The following LINGO2 variants were observed in gnomAD, a reference collection of about 807,000 sequenced individuals.
LINGO2 encodes leucine-rich repeat and immunoglobulin-like domain-containing nogo receptor-interacting protein 2.
Under a neutral mutation model 30.6 loss-of-function variants are expected in LINGO2, and 14 were observed. The observed-to-expected ratio is 0.46, with a 90% CI of 0.30 to 0.72. LINGO2 has a LOEUF of 0.72. Ranked by LOEUF, LINGO2 falls within the 30% of genes least tolerant of loss-of-function variation. The pLI, the probability that LINGO2 is intolerant of heterozygous loss-of-function variation, is 0.07. For synonymous variants in LINGO2, 317 were observed against 288.5 expected (o/e 1.10, Z -1.00); for missense variants, 729 against 751.7 (o/e 0.97, Z 0.35).
intron 4 of LINGO2, among the ~76,000 whole-genome samples, chr9:28,162,759 A>G (rs1033132388): frequency 4.6e-5 from 7 of 152,124 alleles, no homozygotes; most frequent in Non-Finnish European, 1.0e-4. Flanking sequence ...CTGAGATCCT[A>G]CTATGTGGCT....
chr9:28,268,108 C>A (rs1269226563), intron 4 of LINGO2, among the ~76,000 whole-genome samples: 3 of 151,998 alleles, frequency 2.0e-5, no homozygotes, highest in Non-Finnish European at 1.5e-5. Context: ...ACACATAATT[C>A]TTTGCATATA....
chr9:28,301,759 C>G (rs1824154133), intron 3 of LINGO2, among the ~76,000 whole-genome samples: 1 of 151,950 alleles, frequency 6.6e-6, no homozygotes, highest in Non-Finnish European at 1.5e-5. Flanking sequence ...GAAGATCATC[C>G]CTAAAATACA....
At chr9:28,196,632 A>T (rs1820023027) in intron 4 of LINGO2, among the ~76,000 whole-genome samples, 1 of 151,998 alleles carries the variant, frequency 6.6e-6, no homozygotes, top group African/African-American at 2.4e-5. Flanking sequence ...GCCATTTTTT[A>T]GATAGGAAGA....
At chr9:29,113,202 T>A in the LINGO2 span, among the ~76,000 whole-genome samples, 1 of 152,156 alleles carries the variant, frequency 6.6e-6, no homozygotes, top group African/African-American at 2.4e-5. Context: ...CTGAATATGA[T>A]CTAGTTTTAC....
intron 5 of LINGO2, among the ~76,000 whole-genome samples, chr9:27,971,980 A>T (rs1820376991): frequency 6.6e-6 from 1 of 152,206 alleles, no homozygotes; most frequent in African/African-American, 2.4e-5. Context: ...TACTATCCTT[A>T]TAAGATTGAA....
At chr9:28,044,883 CACCTT>C (rs1824347756) in intron 4 of LINGO2, among the ~76,000 whole-genome samples, 2 of 152,052 alleles carry the variant, frequency 1.3e-5, no homozygotes, top group Admixed American at 1.3e-4. Context: ...TAGAAAATTT[CACCTT>C]TAACTCAGGG....
intron 1 of LINGO2, among the ~76,000 whole-genome samples, chr9:28,586,540 G>T (rs1406599011): frequency 6.6e-6 from 1 of 151,952 alleles, no homozygotes; most frequent in African/African-American, 2.4e-5. Flanking sequence ...TATAAGTATA[G>T]TTTACTGTTA....
At chr9:29,103,790 T>G in the LINGO2 span, among the ~76,000 whole-genome samples, 1 of 152,156 alleles carries the variant, frequency 6.6e-6, no homozygotes, top group Admixed American at 6.5e-5. Context: ...GGTCAATTTT[T>G]AAATCAACAA....
chr9:28,046,534 C>T (rs1037239993), intron 4 of LINGO2, among the ~76,000 whole-genome samples: 1 of 152,092 alleles, frequency 6.6e-6, no homozygotes, highest in African/African-American at 2.4e-5. Context: ...TAACTTTTTC[C>T]TCTGCTTAAA....
intron 1 of LINGO2, among the ~76,000 whole-genome samples, chr9:28,622,240 C>A (rs1238641164): frequency 6.6e-6 from 1 of 151,918 alleles, no homozygotes; most frequent in Non-Finnish European, 1.5e-5. Context: ...GATACTAGGT[C>A]TTATTCATCC....
intron 2 of LINGO2, among the ~76,000 whole-genome samples, chr9:28,459,191 T>C (rs544513388): frequency 2.0e-5 from 3 of 152,000 alleles, no homozygotes; most frequent in African/African-American, 7.2e-5. Flanking sequence ...GCAATCAAAA[T>C]ATATTCCACC....
chr9:28,526,055 C>CAAAAAAAAAAAAAAAAAAAAA lies in LINGO2; in HGVS notation c.-364-50051_-364-50031dup, dbSNP rs58629857. On this transcript the variant is annotated intron_variant, in intron 1 of 5. Coordinates refer to ENST00000379992, the Ensembl canonical transcript of LINGO2. Reference sequence around the variant, plus strand: ...TGGGTGACAGAGCGAGACTCCGTCTCAAAAAAAAAAAAAAAAAAAAAGCCA... The same window carrying CAAAAAAAAAAAAAAAAAAAAA: ...TGGGTGACAGAGCGAGACTCCGTCTCAAAAAAAAAAAAAAAAAAAAAAAAAAAAAAAAAAAAAAAAAAGCCA... Among the ~76,000 whole-genome samples the CAAAAAAAAAAAAAAAAAAAAA allele has an allele frequency of 2.5e-4, 12 of 48,508 alleles. 1 individual carries two copies. Among genetic ancestry groups the CAAAAAAAAAAAAAAAAAAAAA allele is most frequent in the Non-Finnish European group, 3.3e-4 (9 of 27,266 alleles). 31.8% of individuals were successfully genotyped at this position (48,508 alleles called of 152,430 possible).
At chr9:28,351,727 T>A (rs1311711878) in intron 3 of LINGO2, among the ~76,000 whole-genome samples, 3 of 152,046 alleles carry the variant, frequency 2.0e-5, no homozygotes, top group Non-Finnish European at 4.4e-5. Flanking sequence ...ATATCCTTGA[T>A]GAACATTGGT....
At chr9:28,970,538 G>A in the LINGO2 span, among the ~76,000 whole-genome samples, 2 of 152,108 alleles carry the variant, frequency 1.3e-5, no homozygotes, top group Non-Finnish European at 2.9e-5. Flanking sequence ...CCCCCCAGCA[G>A]TGGCAGGGTG....
chr9:28,442,684 A>C lies in LINGO2; in HGVS notation c.-279+33256T>G, dbSNP rs186632152. On this transcript the variant is annotated intron_variant, in intron 2 of 5. Transcript: ENST00000379992. Reference sequence around the variant, plus strand: ...AAACAGCAATCAAGAGTTTACATTCAGGAGAGCCAGAGGCTTCTGCTAGGT... The same window carrying C: ...AAACAGCAATCAAGAGTTTACATTCCGGAGAGCCAGAGGCTTCTGCTAGGT... 1.3e-3 allele frequency among the ~76,000 whole-genome samples: 196 copies of C among 152,286 alleles called. 8 individuals carry two copies. The highest frequency in any genetic ancestry group is 7.9e-4 in the Non-Finnish European group (54 of 68,010).
chr9:28,301,370 A>C (rs949790530), intron 3 of LINGO2, among the ~76,000 whole-genome samples: 2 of 151,900 alleles, frequency 1.3e-5, no homozygotes, highest in African/African-American at 2.4e-5. Context: ...AGTTAAAAAA[A>C]AAAAAACAAA....
intron 4 of LINGO2, among the ~76,000 whole-genome samples, chr9:28,146,079 GAA>G (rs936619180): frequency 1.9e-4 from 29 of 152,284 alleles, no homozygotes; most frequent in Non-Finnish European, 3.8e-4. Flanking sequence ...AATCTCAAGA[GAA>G]AGTATTTTCC....
chr9:27,968,766 C>T (rs1820219397), intron 5 of LINGO2, among the ~76,000 whole-genome samples: 1 of 151,654 alleles, frequency 6.6e-6, no homozygotes, highest in Non-Finnish European at 1.5e-5. Flanking sequence ...ATTAATTAGC[C>T]ACATTATAAA....
intron 4 of LINGO2, among the ~76,000 whole-genome samples, chr9:28,082,101 G>C (rs531528512): frequency 3.3e-5 from 5 of 152,018 alleles, no homozygotes; most frequent in African/African-American, 9.7e-5. Context: ...ACTTTGTTTC[G>C]TTGAGGTCTA....
Sources: allele counts gnomAD v4.1 joint callset (sites outside exome capture counted in the v4.1 genomes callset), GRCh38; gene constraint gnomAD v4.1.1; transcripts MANE v1.5; gene names NCBI Gene and HGNC (gene_info 2026-07-23, HGNC 2026-07-21).